SPNS2: variants seen among roughly 807,000 people sequenced by gnomAD.
SPNS2 encodes SPNS lysolipid transporter 2, sphingosine-1-phosphate.
Under a neutral mutation model 57.6 loss-of-function variants are expected in SPNS2, and 37 were observed. The observed-to-expected ratio is 0.64, with a 90% CI of 0.49 to 0.85. The LOEUF (loss-of-function observed/expected upper bound fraction) is 0.85. Ranked by LOEUF, SPNS2 falls within the 40% of genes least tolerant of loss-of-function variation. The pLI is 0.00. For synonymous variants in SPNS2, 440 were observed against 346.9 expected, an observed-to-expected ratio of 1.27 and a Z score of -2.98; for missense variants, 831 against 779.1, an observed-to-expected ratio of 1.07 and a Z score of -0.79.
intron 11 of SPNS2, 41 bp from the exon 12 acceptor site, chr17:4,536,859 C>G (rs375494993): frequency 1.3e-6 from 2 of 1,582,488 alleles, no homozygotes; most frequent in South Asian, 1.1e-5. Context: ...GCCCGGCCCC[C>G]GCTGATGCAC....
intron 8 of SPNS2, 157 bp from the exon 9 acceptor site, chr17:4,533,631 G>A: frequency 9.6e-7 from 1 of 1,044,662 alleles, no homozygotes; most frequent in Non-Finnish European, 1.4e-6. Flanking sequence ...CCGTGGGCAT[G>A]GCTTGAAGTC....
rs772746636 is a variant in SPNS2 at position 4,533,378 on chromosome 17, C to G, written c.1224C>G (p.Ala408=). 6.2e-7 allele frequency: 1 copy of G among 1,610,990 alleles called. No homozygotes were observed. The highest frequency in any genetic ancestry group is 8.5e-7 in the Non-Finnish European group (1 of 1,179,128). ...GTGCCGTGGGCATGCTGGGCTCTGC[C>G]ATCTTCATCTGCCTGATCTTCGTGG... is the stretch of plus-strand genomic sequence containing the variant. ...LVCAVGMLGS[A]IFICLIFVAA... Residue 408 remains alanine (A), a synonymous_variant, in exon 8 of 13, where the codon GCC becomes GCG. Transcript: ENST00000329078.
intron 8 of SPNS2, 49 bp downstream of exon 8, chr17:4,533,481 C>T (rs537652146): frequency 1.8e-5 from 27 of 1,532,076 alleles, no homozygotes; most frequent in Middle Eastern, 1.7e-4. Flanking sequence ...GCCTGGGCCG[C>T]GGGAGGGTCT....
intron 2 of SPNS2, 97 bp from the exon 3 acceptor site, chr17:4,524,960 T>C: frequency 6.5e-7 from 1 of 1,530,814 alleles, no homozygotes; most frequent in South Asian, 1.2e-5. Flanking sequence ...TTGGTCCCTT[T>C]GCTCCACAGA....
intron 9 of SPNS2, among the ~76,000 whole-genome samples, chr17:4,534,142 A>AAG (rs1905644167): frequency 1.3e-5 from 2 of 152,084 alleles, no homozygotes; most frequent in African/African-American, 4.8e-5. Context: ...CCAGGCTGGC[A>AAG]CTGAGGTGGC....
At position 4,513,277 on chromosome 17, in the gene SPNS2, G is replaced by A. The variant is rs756834524; in HGVS notation, c.401G>A (p.Gly134Glu). ...GVLLDIQQHF[G>E]VKDRGAGLLQ... is the part of the protein sequence containing the mutation. ...CTTCTGGACATCCAGCAGCACTTTG[G>A]GGTCAAGGACCGAGGCGCCGGCCTG... Residue 134 changes from glycine (G) to glutamate (E), a missense_variant, in exon 2 of 13, where the codon GGG (glycine) becomes GAG (glutamate). Coordinates refer to ENST00000329078, the MANE Select transcript of SPNS2 (RefSeq NM_001124758.3). The A allele has an allele frequency of 1.2e-5, 19 of 1,613,942 alleles. No individual in the cohort carries two copies. In the South Asian group the frequency reaches 1.6e-4, roughly 14 times the overall value.
chr17:4,527,234 G>A (rs1448586073), intron 3 of SPNS2, among the ~76,000 whole-genome samples: 1 of 152,226 alleles, frequency 6.6e-6, no homozygotes, highest in Non-Finnish European at 1.5e-5. Flanking sequence ...AAATGCCCAG[G>A]AACAGCCAAG....
At chr17:4,537,352 A>G (rs1414008828) in intron 12 of SPNS2, 101 bp from the exon 13 acceptor site, 1 of 397,436 alleles carries the variant, frequency 2.5e-6, no homozygotes, top group Non-Finnish European at 4.9e-6. Context: ...GGTCCAGGAG[A>G]AGGCTTGCGT....
rs551497875 is a variant in SPNS2, at chr17:4,537,742, C to T, written c.*294C>T. The T allele has an allele frequency of 1.6e-4, 73 of 456,612 alleles. 2 individuals are homozygous for T. The highest frequency in any genetic ancestry group is 5.9e-4 in the South Asian group (38 of 64,570). The allele number at this position is 456,612 out of a possible 1,614,324, so 28.3% of individuals were successfully genotyped here. Reference sequence around the variant, plus strand: ...AAGAAGACAGCCCCAAGTGGGTGTCCGGGGAGAGCCTGGCCTGCCACCAGC... The same window carrying T: ...AAGAAGACAGCCCCAAGTGGGTGTCTGGGGAGAGCCTGGCCTGCCACCAGC... On this transcript the variant is annotated 3_prime_UTR_variant, in exon 13 of 13. Coordinates refer to ENST00000329078, the MANE Select transcript of SPNS2 (RefSeq NM_001124758.3).
intron 9 of SPNS2, among the ~76,000 whole-genome samples, chr17:4,534,134 A>ACGGCCCGG (rs1905643499): frequency 1.3e-5 from 2 of 152,128 alleles, no homozygotes; most frequent in African/African-American, 4.8e-5. Flanking sequence ...TGGCGGTGCC[A>ACGGCCCGG]GGCTGGCACT....
chr17:4,527,156 C>G lies in SPNS2; in HGVS notation c.573+1963C>G, dbSNP rs150697350. On this transcript the variant is annotated intron_variant, in intron 3 of 12. Coordinates refer to ENST00000329078, the MANE Select transcript of SPNS2 (RefSeq NM_001124758.3). Reference sequence around the variant, plus strand: ...TGAATCCATAAATGCACTGAAATCACAATTTGCATCCCATAGGGGTTTCTG... The same window carrying G: ...TGAATCCATAAATGCACTGAAATCAGAATTTGCATCCCATAGGGGTTTCTG... 2.0e-5 allele frequency among the ~76,000 whole-genome samples: 3 copies of G among 152,358 alleles called. No individual in the cohort carries two copies. In the East Asian group the frequency reaches 5.8e-4, roughly 29 times the overall value.
chr17:4,528,676 C>T (rs1035667223), intron 3 of SPNS2, among the ~76,000 whole-genome samples: 3 of 152,222 alleles, frequency 2.0e-5, no homozygotes, highest in Non-Finnish European at 4.4e-5. Flanking sequence ...GGGTTTTCAC[C>T]GTGTTGGCCA....
chr17:4,527,949 C>CA (rs34927238), intron 3 of SPNS2, among the ~76,000 whole-genome samples: 201 of 128,614 alleles, frequency 1.6e-3, no homozygotes, highest in South Asian at 3.0e-3. Flanking sequence ...CTGGAATAGC[C>CA]AAAAAAAAAA....
In SPNS2 at chr17:4,536,364, CG is replaced by C. The variant is rs1567597944; in HGVS notation, c.1547del (p.Gly516AlafsTer22). On this transcript the variant is annotated frameshift_variant, in exon 11 of 13. Transcript: ENST00000329078. LOFTEE classifies it high-confidence loss of function. The stretch of plus-strand genomic sequence containing the variant: ...TCTGCCCTTTCGTCGTGGTCCTGGG[CG>C]GCATGTTCTTCCTCGCCACTGCGCT... ...MLCPFVVVLG[G>X]MFFLATALFF... The C allele has an allele frequency of 6.2e-7, 1 of 1,610,046 alleles. No individual in the cohort carries two copies. Among genetic ancestry groups the C allele is most frequent in the Non-Finnish European group, 8.5e-7 (1 of 1,179,914 alleles).
chr17:4,534,291 C>T (rs933377111), intron 9 of SPNS2: 3 of 224,104 alleles, frequency 1.3e-5, no homozygotes, highest in Admixed American at 1.0e-4. Context: ...ACAATGGGCT[C>T]TAGCCCAGCC....
Position 4,533,298 on chromosome 17 carries a change from G to A in SPNS2, c.1144G>A (p.Ala382Thr). 1.2e-6 allele frequency: 2 copies of A among 1,611,226 alleles called. No individual in the cohort carries two copies. The highest frequency in any genetic ancestry group is 2.2e-5 in the East Asian group (1 of 44,836). Residue 382 changes from alanine to threonine, a missense_variant, in exon 8 of 13, where the codon GCA (alanine) becomes ACA (threonine). Physicochemically the swap from Ala to Thr is moderately conservative, Grantham distance 58 (BLOSUM62 0). Around this residue, in one of 2 missense-constraint regions of SPNS2, gnomAD observed 526 missense variants for 400.9 expected, o/e 1.31. Coordinates refer to ENST00000329078, the MANE Select transcript of SPNS2 (RefSeq NM_001124758.3). Reference protein sequence around the residue: ...FTGFLGVVTGAGATRWCRLKT... With the variant: ...FTGFLGVVTGTGATRWCRLKT... ...GGGATTTCTGGGCGTGGTCACGGGG[G>A]CAGGAGCCACGCGCTGGTGCCGCCT...
intron 1 of SPNS2, among the ~76,000 whole-genome samples, chr17:4,504,959 C>T (rs554861437): frequency 6.6e-6 from 1 of 152,344 alleles, no homozygotes; most frequent in African/African-American, 2.4e-5. Flanking sequence ...GTCCCTGGCT[C>T]TGCCTGCACC....
At chr17:4,506,268 G>A (rs974335914) in intron 1 of SPNS2, among the ~76,000 whole-genome samples, 3 of 152,204 alleles carry the variant, frequency 2.0e-5, no homozygotes, top group African/African-American at 7.2e-5. Context: ...AGAAGGCTGA[G>A]GGTTTGTGGG....
intron 8 of SPNS2, 55 bp downstream of exon 8, chr17:4,533,487 G>A (rs1163068726): frequency 1.5e-5 from 22 of 1,512,618 alleles, no homozygotes; most frequent in African/African-American, 8.3e-5. Context: ...GCCGCGGGAG[G>A]GTCTGGAACA....
Sources: gnomAD v4.1 joint callset for allele counts (sites outside exome capture counted in the v4.1 genomes callset) on GRCh38, gnomAD v4.1.1 for gene constraint, gnomAD v4.1.1 regional missense constraint, MANE v1.5 for transcripts, NCBI Gene and HGNC (gene_info 2026-07-23, HGNC 2026-07-21) for gene names.